The following GRB10 variants were observed in gnomAD, a reference collection of about 807,000 sequenced individuals.
The protein encoded by GRB10 is growth factor receptor-bound protein 10.
In GRB10, 20 loss-of-function variants were observed where a neutral mutation model predicts 80.9. The ratio of observed to expected loss-of-function variants is 0.25; its 90% CI spans 0.17 to 0.36. The LOEUF (loss-of-function observed/expected upper bound fraction) is 0.36, where lower values mean the gene tolerates loss of function less well. GRB10 is among the 10% of genes least tolerant of loss of function. GRB10 has a pLI of 1.00. For missense variants in GRB10, 548 were observed against 747.7 expected, an observed-to-expected ratio of 0.73 and a Z score of 3.12; for synonymous variants, 291 against 291.5, an observed-to-expected ratio of 1.00 and a Z score of 0.02.
intron 2 of GRB10, among the ~76,000 whole-genome samples, chr7:50,774,903 G>A (rs1400826455): frequency 6.6e-6 from 1 of 151,646 alleles, no homozygotes; most frequent in African/African-American, 2.4e-5. Context: ...CAGCACTGTC[G>A]GAGGTTGAGG....
chr7:50,681,262 G>T lies in GRB10; in HGVS notation c.140-6604C>A, dbSNP rs73346869. On this transcript the variant is annotated intron_variant, in intron 5 of 18. Transcript: ENST00000401949. The stretch of plus-strand genomic sequence containing the variant: ...TGCAGAAGGCTGGGAGACAAGAAGG[G>T]GAGCCCCTCCACGGAGAAGCCTCCG... 5.7e-4 allele frequency among the ~76,000 whole-genome samples: 87 copies of T among 152,266 alleles called. 1 individual carries two copies. The highest frequency in any genetic ancestry group is 2.0e-3 in the African/African-American group (82 of 41,550).
chr7:50,773,842 A>T (rs1374164006), intron 2 of GRB10, among the ~76,000 whole-genome samples: 1 of 152,044 alleles, frequency 6.6e-6, no homozygotes, highest in East Asian at 1.9e-4. Context: ...CATACAAGGG[A>T]ATTTATTTGT....
At chr7:50,694,103 C>T (rs2063154574) in intron 5 of GRB10, among the ~76,000 whole-genome samples, 1 of 152,158 alleles carries the variant, frequency 6.6e-6, no homozygotes. Flanking sequence ...ACGGACAGAT[C>T]ACCCAAAGTA....
At chr7:50,696,136 T>C (rs939115784) in intron 5 of GRB10, among the ~76,000 whole-genome samples, 2 of 152,224 alleles carry the variant, frequency 1.3e-5, no homozygotes, top group African/African-American at 2.4e-5. Context: ...TAGGGGAATA[T>C]GCTATTGATT....
chr7:50,708,183 T>G (rs1312145247), intron 4 of GRB10, among the ~76,000 whole-genome samples: 1 of 152,220 alleles, frequency 6.6e-6, no homozygotes, highest in Non-Finnish European at 1.5e-5. Context: ...CAAACACTGT[T>G]AAAATCTGAC....
At chr7:50,688,207 T>G (rs2062338218) in intron 5 of GRB10, among the ~76,000 whole-genome samples, 1 of 152,210 alleles carries the variant, frequency 6.6e-6, no homozygotes, top group Non-Finnish European at 1.5e-5. Flanking sequence ...CTCCTCTGGT[T>G]TAACTACAAA....
rs1385081667 is a variant in GRB10 at position 50,590,992 on chromosome 7, A to G, written c.*1960T>C. On this transcript the variant is annotated 3_prime_UTR_variant, in exon 19 of 19. Coordinates refer to ENST00000401949, the MANE Select transcript of GRB10 (RefSeq NM_001350814.2). ...GGACTGGTCTACGTACACAGAAAAA[A>G]GAAATCCTAGAGTTGTTTTTCCTTG... is the stretch of plus-strand genomic sequence containing the variant. 6.6e-6 allele frequency: 1 copy of G among 152,212 alleles called. No individual in the cohort carries two copies. Among genetic ancestry groups the G allele is most frequent in the Non-Finnish European group, 1.5e-5 (1 of 68,038 alleles). The allele number at this position is 152,212 out of a possible 1,614,324, so 9.4% of individuals were successfully genotyped here. A position where few individuals can be genotyped will look rare whatever the true frequency, so the allele number is the denominator to read the frequency against.
At chr7:50,659,842 G>T (rs956057574) in intron 7 of GRB10, among the ~76,000 whole-genome samples, 1 of 152,208 alleles carries the variant, frequency 6.6e-6, no homozygotes, top group African/African-American at 2.4e-5. Context: ...CGGTTTCAGG[G>T]ATTCACGCGT....
chr7:50,610,203 T>C (rs2049265391), intron 13 of GRB10, among the ~76,000 whole-genome samples: 2 of 152,168 alleles, frequency 1.3e-5, no homozygotes, highest in Non-Finnish European at 2.9e-5. Flanking sequence ...CCTGGAGTCA[T>C]AAAGAGTTAC....
At chr7:50,750,953 G>T (rs2074015188) in intron 3 of GRB10, among the ~76,000 whole-genome samples, 1 of 152,186 alleles carries the variant, frequency 6.6e-6, no homozygotes, top group Admixed American at 6.5e-5. Flanking sequence ...CCTAGGACGT[G>T]AGTGGAGTCA....
In GRB10 at chr7:50,743,550, C is replaced by T. The variant is rs575653849; in HGVS notation, c.-46-11182G>A. Among the ~76,000 whole-genome samples, 3 of 152,312 alleles carry T rather than the reference C, an allele frequency of 2.0e-5. No homozygotes were observed. In the East Asian group the frequency reaches 5.8e-4, roughly 29 times the overall value. On this transcript the variant is annotated intron_variant, in intron 3 of 18. Coordinates refer to ENST00000401949, the MANE Select transcript of GRB10 (RefSeq NM_001350814.2). Reference sequence around the variant, plus strand: ...CTGTGCAGACACACTAGCAGCATCCCCACTCAACCGATGAGAAAGAATCCA... The same window carrying T: ...CTGTGCAGACACACTAGCAGCATCCTCACTCAACCGATGAGAAAGAATCCA...
intron 9 of GRB10, 61 bp from the exon 10 acceptor site, chr7:50,618,200 T>C (rs935659907): frequency 1.6e-6 from 2 of 1,226,828 alleles, no homozygotes; most frequent in East Asian, 2.3e-5. Context: ...GGAAGGTATG[T>C]CATATAGATA....
chr7:50,594,713 CTCTAA>C (rs1413429339), intron 18 of GRB10, among the ~76,000 whole-genome samples: 1 of 152,130 alleles, frequency 6.6e-6, no homozygotes, highest in Non-Finnish European at 1.5e-5. Context: ...TGATCTAGCA[CTCTAA>C]TCATGAACTA....
At chr7:50,615,370 G>A (rs1188412844) in intron 11 of GRB10, among the ~76,000 whole-genome samples, 1 of 152,106 alleles carries the variant, frequency 6.6e-6, no homozygotes, top group Non-Finnish European at 1.5e-5. Context: ...CAGCACACAC[G>A]AGGACAGTGA....
intron 4 of GRB10, among the ~76,000 whole-genome samples, chr7:50,710,368 T>C (rs1408053019): frequency 1.3e-5 from 2 of 148,522 alleles, no homozygotes; most frequent in Non-Finnish European, 2.9e-5. Context: ...CATCACAAGG[T>C]AGCCTGGGCA....
chr7:50,667,161 T>C (rs766108600), intron 7 of GRB10, among the ~76,000 whole-genome samples: 30 of 152,088 alleles, frequency 2.0e-4, no homozygotes, highest in Non-Finnish European at 3.5e-4. Flanking sequence ...CTCATGGAAG[T>C]TTAAATATCT....
In GRB10 at chr7:50,605,885, C is replaced by T. The variant is rs115661574; in HGVS notation, c.1272+452G>A. Among the ~76,000 whole-genome samples the T allele has an allele frequency of 5.5e-3, 833 of 152,304 alleles. 2 individuals carry two copies. Among genetic ancestry groups the T allele is most frequent in the African/African-American group, 0.019 (797 of 41,566 alleles). On this transcript the variant is annotated intron_variant, in intron 14 of 18. Transcript: ENST00000401949. The stretch of plus-strand genomic sequence containing the variant: ...GACTGTATTTTGAGAAGATGAAGTG[C>T]TTCTGCTCCTTTGAGAACAGAGTGC...
chr7:50,658,285 G>T (rs1334662901), intron 7 of GRB10, among the ~76,000 whole-genome samples: 1 of 152,226 alleles, frequency 6.6e-6, no homozygotes, highest in African/African-American at 2.4e-5. Flanking sequence ...CAGGCTGTTT[G>T]CTCGCAGTCA....
intron 8 of GRB10, among the ~76,000 whole-genome samples, chr7:50,620,952 A>G (rs753793888): frequency 4.6e-5 from 7 of 152,260 alleles, no homozygotes; most frequent in Non-Finnish European, 1.0e-4. Context: ...TAACCTGTTG[A>G]TGGTTGATTT....
Sources: allele counts gnomAD v4.1 joint callset (sites outside exome capture counted in the v4.1 genomes callset), GRCh38; gene constraint gnomAD v4.1.1; transcripts MANE v1.5; gene names NCBI Gene and HGNC (gene_info 2026-07-23, HGNC 2026-07-21).